PDGFC: variants seen among roughly 807,000 people sequenced by gnomAD.
PDGFC encodes the protein platelet derived growth factor C.
PDGFC carries 12 observed loss-of-function variants against 35.5 expected under a neutral mutation model. The observed-to-expected ratio is 0.34, with a 90% CI of 0.22 to 0.55. The LOEUF is 0.55. Ranked by LOEUF, PDGFC falls within the 20% of genes least tolerant of loss-of-function variation. PDGFC has a pLI of 0.91. For synonymous variants in PDGFC, 159 were observed against 148.8 expected (o/e 1.07, Z -0.50); for missense variants, 322 against 412.4 (o/e 0.78, Z 1.90).
chr4:156,911,341 T>C (rs986288223), intron 1 of PDGFC, among the ~76,000 whole-genome samples: 8 of 152,080 alleles, frequency 5.3e-5, no homozygotes, highest in Admixed American at 5.2e-4. Flanking sequence ...ATATGCTTAG[T>C]TTTTTTCTTT....
chr4:156,796,742 T>C (rs914434455), intron 3 of PDGFC, among the ~76,000 whole-genome samples: 8 of 152,110 alleles, frequency 5.3e-5, no homozygotes, highest in African/African-American at 1.9e-4. Flanking sequence ...ATAAATGAGA[T>C]GACTTACAGC....
chr4:156,819,212 A>T (rs1045864758), intron 2 of PDGFC, among the ~76,000 whole-genome samples: 1 of 152,190 alleles, frequency 6.6e-6, no homozygotes, highest in African/African-American at 2.4e-5. Context: ...GTTATCCAGA[A>T]GATCAACTAA....
chr4:156,865,336 T>A (rs1185732844), intron 1 of PDGFC, among the ~76,000 whole-genome samples: 2 of 152,266 alleles, frequency 1.3e-5, no homozygotes, highest in African/African-American at 2.4e-5. Context: ...ATCCAATGTC[T>A]AATTTAGAAC....
intron 1 of PDGFC, among the ~76,000 whole-genome samples, chr4:156,950,663 T>A (rs765433152): frequency 6.6e-6 from 1 of 151,790 alleles, no homozygotes; most frequent in Non-Finnish European, 1.5e-5. Flanking sequence ...AGAAGAAAAG[T>A]TCTTTTTTTT....
chr4:156,962,334 C>T (rs190368856), intron 1 of PDGFC, among the ~76,000 whole-genome samples: 3 of 152,206 alleles, frequency 2.0e-5, no homozygotes, highest in South Asian at 2.1e-4. Context: ...CTCTCAGACC[C>T]GCTTCAAAAC....
intron 1 of PDGFC, among the ~76,000 whole-genome samples, chr4:156,956,849 G>A (rs1732224368): frequency 6.6e-6 from 1 of 151,950 alleles, no homozygotes. Flanking sequence ...GGAGTGCTAA[G>A]AGCAGCCCAG....
chr4:156,946,549 A>G (rs1243138446), intron 1 of PDGFC, among the ~76,000 whole-genome samples: 1 of 152,026 alleles, frequency 6.6e-6, no homozygotes, highest in Admixed American at 6.6e-5. Context: ...CCCTTTTCTG[A>G]GGTAATAGTG....
At chr4:156,780,108 T>C (rs1306459248) in intron 3 of PDGFC, among the ~76,000 whole-genome samples, 2 of 57,536 alleles carry the variant, frequency 3.5e-5, no homozygotes, top group Non-Finnish European at 6.1e-5. Context: ...AAAATTAAGG[T>C]TTTTTTTTTT....
intron 1 of PDGFC, among the ~76,000 whole-genome samples, chr4:156,919,407 C>T (rs1013282012): frequency 3.9e-5 from 6 of 152,168 alleles, no homozygotes; most frequent in African/African-American, 1.4e-4. Flanking sequence ...TTCTGATACT[C>T]CCAACTGAAG....
At chr4:156,896,370 C>T (rs185471163) in intron 1 of PDGFC, among the ~76,000 whole-genome samples, 1 of 152,110 alleles carries the variant, frequency 6.6e-6, no homozygotes, top group African/African-American at 2.4e-5. Context: ...TCAAAACAAC[C>T]CTGACAGGTG....
At chr4:156,771,318 C>A (rs576883238) in intron 4 of PDGFC, among the ~76,000 whole-genome samples, 9 of 152,222 alleles carry the variant, frequency 5.9e-5, no homozygotes, top group African/African-American at 1.9e-4. Context: ...TGATTCACTG[C>A]CCCTGCTTCT....
chr4:156,923,543 A>G (rs1731337278), intron 1 of PDGFC, among the ~76,000 whole-genome samples: 1 of 152,244 alleles, frequency 6.6e-6, no homozygotes, highest in African/African-American at 2.4e-5. Context: ...TAAAGAAAGA[A>G]GCAGTTTCAA....
intron 2 of PDGFC, among the ~76,000 whole-genome samples, chr4:156,822,757 T>C (rs1419295316): frequency 6.6e-6 from 1 of 151,966 alleles, no homozygotes; most frequent in Admixed American, 6.6e-5. Context: ...ATATTCTCTT[T>C]TATTTATTTA....
At chr4:156,856,335 C>T (rs1268512883) in intron 1 of PDGFC, among the ~76,000 whole-genome samples, 1 of 152,058 alleles carries the variant, frequency 6.6e-6, no homozygotes, top group Non-Finnish European at 1.5e-5. Flanking sequence ...TAAGAAATAA[C>T]CAAAAATTAT....
In PDGFC at chr4:156,805,641, AGAGTTGGTTG is replaced by A. The variant is rs150596304; in HGVS notation, c.495+5186_495+5195del. ...ATTAATATATTTGAAGCCTTGTTTG[AGAGTTGGTTG>A]GAGTTTTTCTTAACCTGAACATAAA... is the stretch of plus-strand genomic sequence containing the variant. On this transcript the variant is annotated intron_variant, in intron 3 of 5. Transcript: ENST00000502773. Among the ~76,000 whole-genome samples the A allele has an allele frequency of 4.7e-3, 708 of 152,078 alleles. 4 individuals carry two copies. The highest frequency in any genetic ancestry group is 0.016 in the African/African-American group (648 of 41,506).
intron 1 of PDGFC, chr4:156,873,878 T>C (rs929845097): frequency 3.9e-5 from 6 of 152,228 alleles, no homozygotes; most frequent in Non-Finnish European, 8.8e-5. Context: ...GACAGTCCTC[T>C]ATACAAAGTA....
chr4:156,833,788 C>T (rs1005643509), intron 2 of PDGFC, among the ~76,000 whole-genome samples: 1 of 152,172 alleles, frequency 6.6e-6, no homozygotes, highest in African/African-American at 2.4e-5. Flanking sequence ...CTCTTTCAGC[C>T]TGTAAGTAAG....
At chr4:156,832,488 C>A (rs895481578) in intron 2 of PDGFC, among the ~76,000 whole-genome samples, 2 of 152,150 alleles carry the variant, frequency 1.3e-5, no homozygotes, top group Admixed American at 1.3e-4. Context: ...AACTCCTGAC[C>A]TCGTGATCCA....
rs372978181 is a variant in PDGFC, at chr4:156,891,926, T to C, written c.119-41510A>G. Among the ~76,000 whole-genome samples the C allele has an allele frequency of 7.2e-5, 11 of 152,264 alleles. No homozygotes were observed. In the East Asian group the frequency reaches 1.9e-3, roughly 27 times the overall value. ...GTTTTATAACTGAATAACTGGAACA[T>C]AAACCCAAACTAGTACTCTTATTCA... On this transcript the variant is annotated intron_variant, in intron 1 of 5. Transcript: ENST00000502773.
Sources: gnomAD v4.1 joint callset for allele counts (sites outside exome capture counted in the v4.1 genomes callset) on GRCh38, gnomAD v4.1.1 for gene constraint, MANE v1.5 for transcripts, NCBI Gene and HGNC (gene_info 2026-07-23, HGNC 2026-07-21) for gene names.